Variants in PPP1R3A observed in about 807,000 individuals in gnomAD.
PPP1R3A encodes RG1.
In PPP1R3A, 29 loss-of-function variants were observed where a neutral mutation model predicts 41.7. The ratio of observed to expected loss-of-function variants is 0.70; its 90% confidence interval spans 0.52 to 0.95. The LOEUF is 0.95. Among genes scored for constraint, PPP1R3A ranks in the 40% least tolerant of loss-of-function variants. The pLI is 0.00. For synonymous variants in PPP1R3A, 485 were observed against 453.4 expected (o/e 1.07, Z -0.89); for missense variants, 1,352 against 1,292.4 (o/e 1.05, Z -0.71).
intron 1 of PPP1R3A, among the ~76,000 whole-genome samples, chr7:113,903,195 T>G (rs1797093420): frequency 6.6e-6 from 1 of 151,696 alleles, no homozygotes; most frequent in African/African-American, 2.4e-5. Context: ...AGTGTAAACT[T>G]TAGATTTTGA....
chr7:113,883,149 G>GT (rs779239618), intron 1 of PPP1R3A, among the ~76,000 whole-genome samples: 2 of 151,946 alleles, frequency 1.3e-5, no homozygotes, highest in Non-Finnish European at 2.9e-5. Flanking sequence ...AAAAATGTTG[G>GT]TAAAAAAAGC....
Position 113,882,041 on chromosome 7 carries a change from T to C in PPP1R3A, c.964A>G (p.Met322Val), listed in dbSNP as rs1232254954. 1 of 1,612,354 alleles carries C rather than the reference T, an allele frequency of 6.2e-7. No individual in the cohort carries two copies. Among genetic ancestry groups the C allele is most frequent in the Middle Eastern group, 1.7e-4 (1 of 6,046 alleles). The change falls in exon 3 of 4, where the codon ATG becomes GTG. Residue 322 changes from methionine to valine, a missense_variant and splice_region_variant. Coordinates refer to ENST00000284601, the MANE Select transcript of PPP1R3A (RefSeq NM_002711.4). ...DEHNEKELELMINQHLIRTRS... is the reference protein window; with the variant it reads ...DEHNEKELELVINQHLIRTRS... ...ACCGTGGCAACCAGAACACTTACCA[T>C]CAACTCTAATTCTTTTTCATTATGT...
At chr7:113,917,720 C>G (rs1797364342) in intron 1 of PPP1R3A, among the ~76,000 whole-genome samples, 1 of 151,814 alleles carries the variant, frequency 6.6e-6, no homozygotes, top group Non-Finnish European at 1.5e-5. Flanking sequence ...TTCAAACATC[C>G]CTGTATAACT....
rs558978271 is a variant in PPP1R3A, at chr7:113,878,780, G to A, written c.2312C>T (p.Thr771Ile). Residue 771 changes from threonine to isoleucine, a missense_variant, in exon 4 of 4, where the codon ACA becomes ATA. Physicochemically the swap from Thr to Ile is moderately conservative, Grantham distance 89. Coordinates refer to ENST00000284601, the MANE Select transcript of PPP1R3A (RefSeq NM_002711.4). Reference sequence around the variant, plus strand: ...TCTCCCTTCATGTGGATCAAACGCTGTTTCCTTTACCTCGATGGGCCTGTC... The same window carrying A: ...TCTCCCTTCATGTGGATCAAACGCTATTTCCTTTACCTCGATGGGCCTGTC... ...RSDRPIEVKETAFDPHEGRND... is the reference protein window; with the variant it reads ...RSDRPIEVKEIAFDPHEGRND... 1 of 1,613,570 alleles carries A rather than the reference G, an allele frequency of 6.2e-7. No homozygotes were observed. Among genetic ancestry groups the A allele is most frequent in the South Asian group, 1.1e-5 (1 of 91,070 alleles).
intron 1 of PPP1R3A, among the ~76,000 whole-genome samples, chr7:113,915,563 A>C (rs546803504): frequency 6.7e-6 from 1 of 148,790 alleles, no homozygotes; most frequent in Non-Finnish European, 1.5e-5. Context: ...ACATATATAC[A>C]TATACATATA....
chr7:113,882,321 CT>C lies in PPP1R3A; in HGVS notation c.783-2del, dbSNP rs1329709772. ...TGATGTTACTGATGATTCTTCTTTA[CT>C]GTTAAATTTAAAAGAAAATGTTATA... On this transcript the variant is annotated splice_acceptor_variant, in intron 1 of 3. Coordinates refer to ENST00000284601, the MANE Select transcript of PPP1R3A (RefSeq NM_002711.4). LOFTEE classifies it high-confidence loss of function. The C allele has an allele frequency of 7.0e-7, 1 of 1,437,760 alleles. No individual in the cohort carries two copies. Among genetic ancestry groups the C allele is most frequent in the Non-Finnish European group, 9.8e-7 (1 of 1,024,510 alleles). The allele number at this position is 1,437,760 out of a possible 1,614,324, so 89.1% of individuals were successfully genotyped here.
At chr7:113,900,397 A>G (rs995770744) in intron 1 of PPP1R3A, among the ~76,000 whole-genome samples, 1 of 151,686 alleles carries the variant, frequency 6.6e-6, no homozygotes, top group Admixed American at 6.6e-5. Flanking sequence ...TTAGGAGTTT[A>G]TTATGTGTAA....
In PPP1R3A at chr7:113,878,034, T is replaced by C. The variant is rs1267947061; in HGVS notation, c.3058A>G (p.Asn1020Asp). The C allele has an allele frequency of 6.2e-7, 1 of 1,613,296 alleles. No homozygotes were observed. Among genetic ancestry groups the C allele is most frequent in the East Asian group, 2.2e-5 (1 of 44,812 alleles). Residue 1020 changes from asparagine to aspartate, a missense_variant, in exon 4 of 4, where the codon AAT becomes GAT. Coordinates refer to ENST00000284601, the MANE Select transcript of PPP1R3A (RefSeq NM_002711.4). ...TTTTCATGCCTTGCTTCTTCCATAT[T>C]CTCAAGAGGTTTGTTGATTAAAATC... ...PMILINKPLE[N>D]MEEARHENEG...
At chr7:113,901,089 G>A (rs996784987) in intron 1 of PPP1R3A, among the ~76,000 whole-genome samples, 2 of 151,564 alleles carry the variant, frequency 1.3e-5, no homozygotes, top group Non-Finnish European at 3.0e-5. Flanking sequence ...ACAGCAAGAA[G>A]GCAGCTAGAG....
intron 1 of PPP1R3A, among the ~76,000 whole-genome samples, chr7:113,901,530 T>C (rs1237972134): frequency 6.6e-6 from 1 of 151,818 alleles, no homozygotes; most frequent in African/African-American, 2.4e-5. Flanking sequence ...CTCAATGAAA[T>C]AAAATTGTGA....
At chr7:113,891,933 C>T (rs1405433625) in intron 1 of PPP1R3A, among the ~76,000 whole-genome samples, 1 of 151,958 alleles carries the variant, frequency 6.6e-6, no homozygotes, top group Non-Finnish European at 1.5e-5. Flanking sequence ...AGGTTGTAAG[C>T]AGCAAAGTCT....
intron 1 of PPP1R3A, among the ~76,000 whole-genome samples, chr7:113,884,991 ATT>A (rs1352407362): frequency 2.0e-5 from 3 of 152,162 alleles, no homozygotes; most frequent in Non-Finnish European, 4.4e-5. Flanking sequence ...TTTTATACTC[ATT>A]TAATTGATAA....
chr7:113,882,116 A>G lies in PPP1R3A; in HGVS notation c.889T>C (p.Leu297=). ...IICSHEDKED[L]EASNRNVKDV... is the part of the protein sequence containing the mutation. Reference sequence around the variant, plus strand: ...TTTACATTTCGATTACTGGCTTCCAAATCTTCCTTGTCCTCATGAGAACAA... The same window carrying G: ...TTTACATTTCGATTACTGGCTTCCAGATCTTCCTTGTCCTCATGAGAACAA... The change falls in exon 3 of 4, where the codon TTG becomes CTG. Residue 297 remains leucine (L), a synonymous_variant. Transcript: ENST00000284601. 1 of 1,612,084 alleles carries G rather than the reference A, an allele frequency of 6.2e-7. No homozygotes were observed. The highest frequency in any genetic ancestry group is 8.5e-7 in the Non-Finnish European group (1 of 1,178,588).
chr7:113,912,379 A>G (rs1408275257), intron 1 of PPP1R3A, among the ~76,000 whole-genome samples: 1 of 152,152 alleles, frequency 6.6e-6, no homozygotes, highest in African/African-American at 2.4e-5. Flanking sequence ...AATCTCACAC[A>G]TGTGTGTGCA....
chr7:113,897,404 A>G (rs1413723055), intron 1 of PPP1R3A, among the ~76,000 whole-genome samples: 1 of 151,794 alleles, frequency 6.6e-6, no homozygotes, highest in Non-Finnish European at 1.5e-5. Flanking sequence ...TAACATGATT[A>G]TCACAAGCAG....
At chr7:113,894,964 C>T (rs1403252811) in intron 1 of PPP1R3A, among the ~76,000 whole-genome samples, 3 of 151,922 alleles carry the variant, frequency 2.0e-5, no homozygotes, top group Admixed American at 2.0e-4. Flanking sequence ...GGACATGAGA[C>T]TTCCGAACTT....
chr7:113,900,698 T>TTA (rs529477996), intron 1 of PPP1R3A, among the ~76,000 whole-genome samples: 28 of 148,494 alleles, frequency 1.9e-4, no homozygotes, highest in East Asian at 1.6e-3. Flanking sequence ...ATATAGTGAT[T>TTA]TATATATATA....
intron 1 of PPP1R3A, among the ~76,000 whole-genome samples, chr7:113,891,661 G>A (rs1275228721): frequency 6.6e-6 from 1 of 151,972 alleles, no homozygotes; most frequent in Non-Finnish European, 1.5e-5. Flanking sequence ...TTCAGTGCCA[G>A]GATTTAGACA....
chr7:113,894,518 G>C (rs4304272), intron 1 of PPP1R3A, among the ~76,000 whole-genome samples: 149,180 of 152,002 alleles, frequency 0.98, 73,261 homozygotes, highest in East Asian at 1. Flanking sequence ...TGCCACCTCA[G>C]AAGTCTTATC....
Sources: allele counts gnomAD v4.1 joint callset (sites outside exome capture counted in the v4.1 genomes callset), GRCh38; gene constraint gnomAD v4.1.1; transcripts MANE v1.5; gene names NCBI Gene and HGNC (gene_info 2026-07-23, HGNC 2026-07-21).